The following ABI1 variants were observed in gnomAD, a reference collection of about 807,000 sequenced individuals.
The protein encoded by ABI1 is Abelson interactor 1.
A neutral mutation model predicts 54.6 loss-of-function variants in ABI1; 14 were observed. The observed-to-expected ratio is 0.26, with a 90% CI of 0.17 to 0.40. ABI1 has a LOEUF of 0.40. ABI1 is among the 10% of genes least tolerant of loss of function. ABI1 has a pLI of 1.00. For synonymous variants in ABI1, 194 were observed against 209.3 expected (o/e 0.93, Z 0.63); for missense variants, 443 against 598.3 (o/e 0.74, Z 2.71).
At chr10:26,856,465 G>GAA (rs2050830332) in intron 1 of ABI1, among the ~76,000 whole-genome samples, 2 of 115,972 alleles carry the variant, frequency 1.7e-5, no homozygotes, top group Non-Finnish European at 3.5e-5. Context: ...AAAAAAAACT[G>GAA]ACACAGTTTG....
At chr10:26,858,282 C>T (rs1453063558) in intron 1 of ABI1, among the ~76,000 whole-genome samples, 1 of 151,988 alleles carries the variant, frequency 6.6e-6, no homozygotes, top group East Asian at 1.9e-4. Flanking sequence ...ATTATTCATT[C>T]CCCATTCTTA....
intron 1 of ABI1, among the ~76,000 whole-genome samples, chr10:26,843,808 T>C (rs1247663443): frequency 1.3e-5 from 2 of 151,788 alleles, no homozygotes; most frequent in Non-Finnish European, 2.9e-5. Flanking sequence ...AAGACATTAA[T>C]AAACACTAAC....
chr10:26,772,414 C>A (rs1840804348), intron 3 of ABI1, among the ~76,000 whole-genome samples: 1 of 151,986 alleles, frequency 6.6e-6, no homozygotes, highest in African/African-American at 2.4e-5. Context: ...AGAAAATATT[C>A]TAAATATGTC....
chr10:26,840,138 A>G (rs1029705828), intron 1 of ABI1, among the ~76,000 whole-genome samples: 4 of 152,238 alleles, frequency 2.6e-5, no homozygotes, highest in East Asian at 1.9e-4. Context: ...ATGATCCCCA[A>G]TGCTGGAGGT....
intron 2 of ABI1, among the ~76,000 whole-genome samples, chr10:26,787,931 A>C (rs1263940049): frequency 6.6e-6 from 1 of 151,036 alleles, no homozygotes; most frequent in Non-Finnish European, 1.5e-5. Context: ...TCTTTTGCTT[A>C]TTGGATATAA....
At chr10:26,775,922 C>T (rs1049052844) in intron 3 of ABI1, among the ~76,000 whole-genome samples, 5 of 152,056 alleles carry the variant, frequency 3.3e-5, no homozygotes, top group Non-Finnish European at 7.4e-5. Context: ...ATGAATATAT[C>T]CTTTTTCTTT....
intron 2 of ABI1, 68 bp from the exon 3 acceptor site, chr10:26,777,309 T>C (rs1841533286): frequency 7.7e-7 from 1 of 1,290,990 alleles, no homozygotes; most frequent in South Asian, 1.5e-5. Context: ...CCATATACAC[T>C]GGACCATATT....
At chr10:26,774,099 T>C (rs1201674537) in intron 3 of ABI1, among the ~76,000 whole-genome samples, 1 of 152,186 alleles carries the variant, frequency 6.6e-6, no homozygotes, top group Non-Finnish European at 1.5e-5. Context: ...TAAACTGGTG[T>C]AGTATACGCA....
intron 1 of ABI1, among the ~76,000 whole-genome samples, chr10:26,847,946 T>A (rs531327257): frequency 6.6e-6 from 1 of 151,626 alleles, no homozygotes; most frequent in Non-Finnish European, 1.5e-5. Flanking sequence ...GTCAGGAGGA[T>A]TGCTACGTTG....
chr10:26,851,493 C>T (rs1012708143), intron 1 of ABI1, among the ~76,000 whole-genome samples: 2 of 150,584 alleles, frequency 1.3e-5, no homozygotes, highest in Non-Finnish European at 2.9e-5. Flanking sequence ...AGCTAGCTGA[C>T]AATAGTGTAA....
intron 2 of ABI1, among the ~76,000 whole-genome samples, chr10:26,783,835 T>A (rs1162825476): frequency 6.6e-6 from 1 of 152,168 alleles, no homozygotes; most frequent in Non-Finnish European, 1.5e-5. Flanking sequence ...CTAGAGTGGC[T>A]CATGTGGACA....
At position 26,848,211 on chromosome 10, in the gene ABI1, AAAAAAAAAAAAG is replaced by A. The variant is rs1383588569; in HGVS notation, c.117+12524_117+12535del. ...GCGAGACCCTGTCTCAAAAAAAAAA[AAAAAAAAAAAAG>A]AAGAAGAAGAAGAAGAAGATGTAAA... On this transcript the variant is annotated intron_variant, in intron 1 of 10. Transcript: ENST00000376140. 2.7e-5 allele frequency among the ~76,000 whole-genome samples: 4 copies of A among 150,444 alleles called. No homozygotes were observed. In the East Asian group the frequency reaches 7.9e-4, roughly 30 times the overall value.
At chr10:26,849,918 T>C (rs186660544) in intron 1 of ABI1, among the ~76,000 whole-genome samples, 10 of 152,336 alleles carry the variant, frequency 6.6e-5, no homozygotes, top group Admixed American at 3.3e-4. Context: ...TTTAAAGTAA[T>C]GGAGTATAAA....
intron 1 of ABI1, among the ~76,000 whole-genome samples, chr10:26,839,322 C>T (rs2049315179): frequency 6.6e-6 from 1 of 151,974 alleles, no homozygotes; most frequent in African/African-American, 2.4e-5. Flanking sequence ...CATGGCAAAA[C>T]CTCATCTCTA....
At chr10:26,754,156 TTATTTATTTTTGCACTC>T (rs966480608) in intron 9 of ABI1, among the ~76,000 whole-genome samples, 5 of 152,126 alleles carry the variant, frequency 3.3e-5, no homozygotes, top group African/African-American at 9.7e-5. Flanking sequence ...ATCCATGCAT[TTATTTATTTTTGCACTC>T]TATTTATTTT....
intron 2 of ABI1, among the ~76,000 whole-genome samples, chr10:26,797,317 G>C (rs558429980): frequency 6.6e-6 from 1 of 152,102 alleles, no homozygotes; most frequent in South Asian, 2.1e-4. Flanking sequence ...TTATAAGAAT[G>C]AATTAATTCA....
At chr10:26,768,329 T>A (rs1840212114) in intron 6 of ABI1, among the ~76,000 whole-genome samples, 2 of 151,800 alleles carry the variant, frequency 1.3e-5, no homozygotes, top group Admixed American at 1.3e-4. Context: ...GAGGATCACC[T>A]GAGGTTGGGA....
At chr10:26,791,724 G>C (rs1158322133) in intron 2 of ABI1, among the ~76,000 whole-genome samples, 2 of 152,022 alleles carry the variant, frequency 1.3e-5, no homozygotes, top group African/African-American at 4.8e-5. Context: ...AAGGAAACTT[G>C]GTATCTTACA....
chr10:26,850,132 C>T (rs2050273657), intron 1 of ABI1, among the ~76,000 whole-genome samples: 1 of 152,176 alleles, frequency 6.6e-6, no homozygotes, highest in Non-Finnish European at 1.5e-5. Flanking sequence ...AACAGATTAA[C>T]TGCAGAAGCA....
Sources: gnomAD v4.1 joint callset for allele counts (sites outside exome capture counted in the v4.1 genomes callset) on GRCh38, gnomAD v4.1.1 for gene constraint, MANE v1.5 for transcripts, NCBI Gene and HGNC (gene_info 2026-07-23, HGNC 2026-07-21) for gene names.